POLA1: variants seen among roughly 807,000 people sequenced by gnomAD.
POLA1 encodes the protein DNA polymerase alpha catalytic subunit.
POLA1 carries 15 observed loss-of-function variants against 124.0 expected under a neutral mutation model. The ratio of observed to expected loss-of-function variants is 0.12; its 90% CI spans 0.08 to 0.19. The LOEUF (loss-of-function observed/expected upper bound fraction) is 0.19. POLA1 is among the 10% of genes least tolerant of loss of function. The probability of loss-of-function intolerance (pLI) is 1.00; values close to 1 mark genes in which losing one functional copy is unlikely to be tolerated. For synonymous variants in POLA1, 408 were observed against 389.4 expected (o/e 1.05, Z -0.56); for missense variants, 886 against 1,103.4 (o/e 0.80, Z 2.79).
chrX:24,918,781 T>C (rs1177986461), intron 35 of POLA1, among the ~76,000 whole-genome samples: 1 of 111,275 alleles, frequency 9.0e-6, no homozygotes, highest in African/African-American at 3.3e-5. Context: ...TGGGGGAAGA[T>C]GAAGGAGAGC....
chrX:24,895,084 T>C (rs760019083), intron 35 of POLA1, among the ~76,000 whole-genome samples: 1 of 111,542 alleles, frequency 9.0e-6, no homozygotes, highest in Non-Finnish European at 1.9e-5. Flanking sequence ...CCGCCCCTAT[T>C]TTCTAATAAG....
intron 34 of POLA1, among the ~76,000 whole-genome samples, chrX:24,882,845 A>G (rs1036968124): frequency 1.8e-5 from 2 of 110,609 alleles, no homozygotes; most frequent in Non-Finnish European, 3.8e-5. Flanking sequence ...AGAACAGTTT[A>G]TCTTCCTTTG....
chrX:24,890,364 G>A (rs2047128641), intron 35 of POLA1, among the ~76,000 whole-genome samples: 1 of 111,267 alleles, frequency 9.0e-6, no homozygotes, highest in Non-Finnish European at 1.9e-5. Flanking sequence ...GGGATTACAG[G>A]CATGAGCCAC....
intron 35 of POLA1, among the ~76,000 whole-genome samples, chrX:24,888,416 G>C (rs747112726): frequency 7.2e-5 from 8 of 110,386 alleles, no homozygotes. Flanking sequence ...TTCCATTCTA[G>C]AAACTGCTAT....
chrX:24,972,629 C>G (rs2048317235), intron 36 of POLA1, among the ~76,000 whole-genome samples: 1 of 112,047 alleles, frequency 8.9e-6, no homozygotes, highest in South Asian at 3.8e-4. Flanking sequence ...TATAGAATAA[C>G]TGCTTAGGGG....
intron 35 of POLA1, among the ~76,000 whole-genome samples, chrX:24,893,496 A>G (rs1296745385): frequency 8.9e-6 from 1 of 111,849 alleles, no homozygotes; most frequent in African/African-American, 3.3e-5. Flanking sequence ...TGTGGCTACC[A>G]CCAGTATCTA....
chrX:24,875,252 T>C (rs1030756250), intron 34 of POLA1, among the ~76,000 whole-genome samples: 4 of 111,533 alleles, frequency 3.6e-5, no homozygotes, highest in African/African-American at 1.3e-4. Flanking sequence ...ATAAAATATT[T>C]ATATGTAAGG....
intron 35 of POLA1, among the ~76,000 whole-genome samples, chrX:24,902,009 CA>C (rs1490225754): frequency 5.4e-5 from 6 of 111,029 alleles, no homozygotes; most frequent in African/African-American, 2.0e-4. Flanking sequence ...TGCGTGCACA[CA>C]CACACACACA....
intron 34 of POLA1, among the ~76,000 whole-genome samples, chrX:24,880,660 A>G (rs960806507): frequency 2.7e-5 from 3 of 112,020 alleles, no homozygotes; most frequent in Non-Finnish European, 3.8e-5. Context: ...ATTTCTGGAA[A>G]TTCCAAATCA....
chrX:24,868,135 C>T (rs753909130), intron 34 of POLA1, among the ~76,000 whole-genome samples: 3 of 111,914 alleles, frequency 2.7e-5, no homozygotes, highest in African/African-American at 9.7e-5. Flanking sequence ...AATGGCAGTT[C>T]TCTGTGGCAT....
At chrX:24,938,151 C>T (rs991610049) in intron 36 of POLA1, among the ~76,000 whole-genome samples, 4 of 112,551 alleles carry the variant, frequency 3.6e-5, no homozygotes, top group East Asian at 2.8e-4. Context: ...CAGTGGCTCA[C>T]GCCTGTAATC....
chrX:24,752,401 T>C (rs1471687084), intron 26 of POLA1, among the ~76,000 whole-genome samples: 1 of 112,163 alleles, frequency 8.9e-6, no homozygotes, highest in East Asian at 2.8e-4. Flanking sequence ...TATTTAAAAG[T>C]AATGAAGTCA....
intron 36 of POLA1, among the ~76,000 whole-genome samples, chrX:24,948,941 G>A (rs760896044): frequency 8.9e-6 from 1 of 111,947 alleles, no homozygotes; most frequent in South Asian, 3.7e-4. Context: ...ATAAAATCAT[G>A]CAAGAAGGAA....
intron 31 of POLA1, 97 bp from the exon 32 acceptor site, chrX:24,826,330 G>A (rs1396342115): frequency 5.7e-6 from 3 of 527,714 alleles, no homozygotes; most frequent in Non-Finnish European, 8.7e-6. Flanking sequence ...TTAAATTGTT[G>A]CCTCTCTGTT....
At chrX:24,812,896 T>C (rs1169463691) in intron 29 of POLA1, 33 bp downstream of exon 29, 2 of 977,071 alleles carry the variant, frequency 2.0e-6, no homozygotes, top group South Asian at 4.2e-5. Context: ...CTTTTCTTGT[T>C]TGTCTTTTAA....
chrX:24,928,833 A>G (rs2147211116), intron 35 of POLA1, among the ~76,000 whole-genome samples: 1 of 111,857 alleles, frequency 8.9e-6, no homozygotes, highest in African/African-American at 3.2e-5. Flanking sequence ...TAGTATAATG[A>G]TGATGCATAT....
At chrX:24,913,497 A>G (rs1445053638) in intron 35 of POLA1, among the ~76,000 whole-genome samples, 2 of 109,607 alleles carry the variant, frequency 1.8e-5, no homozygotes, top group East Asian at 5.7e-4. Flanking sequence ...AGATCACCTG[A>G]GGTCGGTAGT....
chrX:24,850,431 G>A (rs1263301093), intron 34 of POLA1, among the ~76,000 whole-genome samples: 1 of 112,385 alleles, frequency 8.9e-6, no homozygotes, highest in Non-Finnish European at 1.9e-5. Context: ...AAGTTCAGAT[G>A]CAGCCATTTA....
intron 34 of POLA1, among the ~76,000 whole-genome samples, chrX:24,885,607 T>G (rs1328834906): frequency 9.0e-6 from 1 of 110,838 alleles, no homozygotes; most frequent in African/African-American, 3.3e-5. Flanking sequence ...CAATCTTGGC[T>G]CACTGCAACC....
Sources: gnomAD v4.1 joint callset for allele counts (sites outside exome capture counted in the v4.1 genomes callset) on GRCh38, gnomAD v4.1.1 for gene constraint, MANE v1.5 for transcripts, NCBI Gene and HGNC (gene_info 2026-07-23, HGNC 2026-07-21) for gene names.